The following PATJ variants were observed in gnomAD, a reference collection of about 807,000 sequenced individuals.
PATJ encodes the protein PATJ crumbs cell polarity complex component.
Under a neutral mutation model 224.9 loss-of-function variants are expected in PATJ, and 190 were observed. The ratio of observed to expected loss-of-function variants is 0.84; its 90% confidence interval spans 0.75 to 0.95. The LOEUF (loss-of-function observed/expected upper bound fraction) is 0.95. PATJ is among the 40% of genes least tolerant of loss of function. The probability of loss-of-function intolerance (pLI) is 0.00; values close to 1 mark genes in which losing one functional copy is unlikely to be tolerated. For missense variants in PATJ, 2,121 were observed against 2,270.3 expected (o/e 0.93, Z 1.34); for synonymous variants, 769 against 820.3 (o/e 0.94, Z 1.07).
intron 24 of PATJ, among the ~76,000 whole-genome samples, chr1:61,905,287 T>G (rs996600015): frequency 6.6e-6 from 1 of 152,246 alleles, no homozygotes; most frequent in Non-Finnish European, 1.5e-5. Flanking sequence ...GAGCTAGCTA[T>G]CTTGGGTCTC....
rs556680880 is a variant in PATJ at position 62,137,693 on chromosome 1, G to C, written c.5271+8748G>C. ...AGAATGAGGGGGGATAGCAGTTTGT[G>C]GGGGGAACACAGATTGAGAGGGAAG... On this transcript the variant is annotated intron_variant, in intron 41 of 43. Coordinates refer to ENST00000642238, the MANE Select transcript of PATJ (RefSeq NM_001350145.3). 2.9e-5 allele frequency among the ~76,000 whole-genome samples: 4 copies of C among 137,186 alleles called. No homozygotes were observed. In the South Asian group the frequency reaches 8.1e-4, roughly 28 times the overall value. 90.0% of individuals were successfully genotyped at this position (137,186 alleles called of 152,430 possible). A position where few individuals can be genotyped will look rare whatever the true frequency, so the allele number is the denominator to read the frequency against.
intron 41 of PATJ, among the ~76,000 whole-genome samples, chr1:62,141,586 A>C (rs1667501394): frequency 6.6e-6 from 1 of 152,040 alleles, no homozygotes; most frequent in African/African-American, 2.4e-5. Context: ...GAGGCACAAG[A>C]ATTGCTTGAA....
At chr1:62,052,068 CCAGGGTTAGACTA>C (rs1173159386) in intron 31 of PATJ, among the ~76,000 whole-genome samples, 1 of 152,224 alleles carries the variant, frequency 6.6e-6, no homozygotes, top group East Asian at 1.9e-4. Context: ...CCCAGCACTT[CCAGGGTTAGACTA>C]CAAATTCTAG....
At chr1:61,943,947 A>G (rs1678245089) in intron 27 of PATJ, among the ~76,000 whole-genome samples, 1 of 152,310 alleles carries the variant, frequency 6.6e-6, no homozygotes, top group Admixed American at 6.5e-5. Flanking sequence ...GGTGATACCC[A>G]GGCAAACAGG....
chr1:61,838,521 ATTTTTT>A (rs34877280), intron 17 of PATJ, among the ~76,000 whole-genome samples: 25 of 115,554 alleles, frequency 2.2e-4, no homozygotes, highest in African/African-American at 3.1e-4. Flanking sequence ...CGCCTGGCTA[ATTTTTT>A]TTTTTTTTTT....
At chr1:61,927,667 T>C in intron 26 of PATJ, 63 bp from the exon 27 acceptor site, 1 of 1,015,052 alleles carries the variant, frequency 9.9e-7, no homozygotes, top group Non-Finnish European at 1.5e-6. Context: ...ATGCTTTTTG[T>C]CATTGAAGAA....
chr1:61,894,774 A>G (rs1670126828), intron 22 of PATJ, among the ~76,000 whole-genome samples: 1 of 152,204 alleles, frequency 6.6e-6, no homozygotes, highest in Non-Finnish European at 1.5e-5. Flanking sequence ...AAAATGTAGA[A>G]GCGACTTTGG....
intron 27 of PATJ, among the ~76,000 whole-genome samples, chr1:61,985,137 T>C (rs11207888): frequency 0.3 from 45,079 of 151,678 alleles, 7,285 homozygotes; most frequent in East Asian, 0.45. Flanking sequence ...TGTAGTGAAA[T>C]CCCATCTCTA....
intron 33 of PATJ, among the ~76,000 whole-genome samples, chr1:62,106,478 A>G (rs547827850): frequency 6.6e-6 from 1 of 151,630 alleles, no homozygotes; most frequent in South Asian, 2.1e-4. Context: ...CTCAAAAAAA[A>G]TTTTTTAAGT....
At chr1:62,072,570 G>A (rs905396606) in intron 31 of PATJ, 1 of 151,686 alleles carries the variant, frequency 6.6e-6, no homozygotes, top group Non-Finnish European at 1.5e-5. Flanking sequence ...ACTAAGTTCG[G>A]TATCGATATG....
At chr1:62,088,356 A>G (rs1246271060) in intron 33 of PATJ, among the ~76,000 whole-genome samples, 1 of 152,130 alleles carries the variant, frequency 6.6e-6, no homozygotes, top group African/African-American at 2.4e-5. Flanking sequence ...GCACTCCAGC[A>G]TCTCGGACTT....
chr1:61,807,780 A>C (rs1653889971), intron 13 of PATJ, among the ~76,000 whole-genome samples: 1 of 152,208 alleles, frequency 6.6e-6, no homozygotes, highest in Admixed American at 6.5e-5. Flanking sequence ...GTCATTGTTT[A>C]ACTTATCCCT....
intron 27 of PATJ, among the ~76,000 whole-genome samples, chr1:61,985,888 C>T (rs977878351): frequency 6.6e-6 from 1 of 151,982 alleles, no homozygotes. Flanking sequence ...CAACTTAAGA[C>T]TAACTTTAAA....
At chr1:61,865,741 T>TA (rs1308719838) in intron 20 of PATJ, 2 of 152,194 alleles carry the variant, frequency 1.3e-5, no homozygotes, top group African/African-American at 2.4e-5. Flanking sequence ...GGGACATTTT[T>TA]AAAAAGACAG....
At chr1:61,815,997 G>A (rs1656032761) in intron 14 of PATJ, among the ~76,000 whole-genome samples, 1 of 152,162 alleles carries the variant, frequency 6.6e-6, no homozygotes, top group Non-Finnish European at 1.5e-5. Context: ...ATTGTAATAT[G>A]AAGTGAGCAT....
chr1:62,111,057 G>C (rs1239673222), intron 34 of PATJ, among the ~76,000 whole-genome samples: 2 of 152,206 alleles, frequency 1.3e-5, no homozygotes, highest in Non-Finnish European at 2.9e-5. Flanking sequence ...CATGAACTTA[G>C]ATCACTTCCA....
chr1:61,937,703 C>T (rs1386095041), intron 27 of PATJ, among the ~76,000 whole-genome samples: 17 of 142,822 alleles, frequency 1.2e-4, no homozygotes, highest in South Asian at 2.2e-4. Context: ...CAGGCTGGAG[C>T]GCAATGGCAC....
At chr1:62,042,882 A>G (rs1651784057) in intron 30 of PATJ, among the ~76,000 whole-genome samples, 1 of 152,126 alleles carries the variant, frequency 6.6e-6, no homozygotes, top group African/African-American at 2.4e-5. Context: ...CCTGACCTGA[A>G]GCAGTCCTCT....
intron 33 of PATJ, among the ~76,000 whole-genome samples, chr1:62,102,178 C>CAAATAAATAAATAAAT (rs112794744): frequency 2.2e-4 from 33 of 150,140 alleles, no homozygotes; most frequent in African/African-American, 7.4e-4. Context: ...GACCCTGTCT[C>CAAATAAATAAATAAAT]AAATAAATAA....
Sources: allele counts gnomAD v4.1 joint callset (sites outside exome capture counted in the v4.1 genomes callset), GRCh38; gene constraint gnomAD v4.1.1; transcripts MANE v1.5; gene names NCBI Gene and HGNC (gene_info 2026-07-23, HGNC 2026-07-21).